Variants in RETREG3 observed in about 807,000 individuals in gnomAD.
RETREG3 encodes the protein reticulophagy regulator family member 3.
RETREG3 carries 23 observed loss-of-function variants against 50.2 expected under a neutral mutation model. The ratio of observed to expected loss-of-function variants is 0.46; its 90% CI spans 0.33 to 0.65. The LOEUF (loss-of-function observed/expected upper bound fraction) is 0.65. Ranked by LOEUF, RETREG3 falls within the 30% of genes least tolerant of loss-of-function variation. The probability of loss-of-function intolerance (pLI) is 0.02; values close to 1 mark genes in which losing one functional copy is unlikely to be tolerated. For missense variants in RETREG3, 546 were observed against 598.0 expected, an observed-to-expected ratio of 0.91 and a Z score of 0.91; for synonymous variants, 240 against 234.4, an observed-to-expected ratio of 1.02 and a Z score of -0.22.
At chr17:42,592,968 C>G (rs964956308) in intron 1 of RETREG3, among the ~76,000 whole-genome samples, 3 of 152,080 alleles carry the variant, frequency 2.0e-5, no homozygotes, top group Admixed American at 2.0e-4. Flanking sequence ...GCCTGGGCAA[C>G]AGAGTGAGAC....
intron 1 of RETREG3, among the ~76,000 whole-genome samples, chr17:42,594,120 T>C (rs1406020596): frequency 6.6e-6 from 1 of 152,088 alleles, no homozygotes; most frequent in Non-Finnish European, 1.5e-5. Context: ...GCCTCGGAGG[T>C]AGAGGTTGCA....
At position 42,580,151 on chromosome 17, in the gene RETREG3, G is replaced by A. The variant is rs1238037840; in HGVS notation, c.*1662C>T. The A allele has an allele frequency of 1.3e-5, 2 of 152,468 alleles. No homozygotes were observed. The highest frequency in any genetic ancestry group is 2.9e-5 in the Non-Finnish European group (2 of 68,046). 9.4% of individuals were successfully genotyped at this position (152,468 alleles called of 1,614,324 possible). ...TGTCTCACATCACATGATTTCACTA[G>A]GGGCTGCAGAACAGATACCCCTCAG... On this transcript the variant is annotated 3_prime_UTR_variant, in exon 9 of 9. Coordinates refer to ENST00000309428, the MANE Select transcript of RETREG3 (RefSeq NM_178126.4).
intron 1 of RETREG3, 47 bp from the exon 2 acceptor site, chr17:42,592,209 T>A: frequency 1.3e-6 from 2 of 1,550,128 alleles, no homozygotes; most frequent in Non-Finnish European, 1.8e-6. Context: ...CTAGTTATCC[T>A]AATTTCAGAA....
intron 1 of RETREG3, among the ~76,000 whole-genome samples, chr17:42,597,541 ATTTCG>A (rs1162587759): frequency 9.5e-5 from 10 of 105,670 alleles, no homozygotes; most frequent in African/African-American, 3.4e-4. Flanking sequence ...ATATATATAT[ATTTCG>A]TATATATATT....
intron 4 of RETREG3, chr17:42,586,508 A>G: frequency 4.7e-6 from 2 of 427,830 alleles, no homozygotes; most frequent in South Asian, 7.2e-5. Context: ...GAATGTACAC[A>G]AGAAAGCTTT....
intron 1 of RETREG3, among the ~76,000 whole-genome samples, chr17:42,593,518 C>T (rs1337857029): frequency 3.3e-5 from 5 of 151,900 alleles, no homozygotes; most frequent in South Asian, 4.2e-4. Context: ...GGCATGGTGG[C>T]GGGCGCCTGT....
At position 42,582,201 on chromosome 17, in the gene RETREG3, A is replaced by C. The variant is rs1343877093; in HGVS notation, c.1013T>G (p.Met338Arg). 3.7e-6 allele frequency: 6 copies of C among 1,613,724 alleles called. No individual in the cohort carries two copies. Among genetic ancestry groups the C allele is most frequent in the Non-Finnish European group, 5.1e-6 (6 of 1,180,026 alleles). Residue 338 changes from methionine (M) to arginine (R), a missense_variant, in exon 9 of 9, where the codon ATG becomes AGG. Transcript: ENST00000309428. ...RDLPDFPSIN[M>R]DPAGLDDEDD... ...CTCATCATCCAGGCCAGCAGGATCC[A>C]TATTAATGGAAGGGAAGTCTGGAAG...
intron 1 of RETREG3, among the ~76,000 whole-genome samples, chr17:42,601,966 C>G (rs1386440316): frequency 6.6e-6 from 1 of 151,950 alleles, no homozygotes; most frequent in Non-Finnish European, 1.5e-5. Flanking sequence ...GTAATAAAAG[C>G]TGAACTATAC....
At chr17:42,589,590 T>C (rs1197803258) in intron 2 of RETREG3, among the ~76,000 whole-genome samples, 1 of 152,112 alleles carries the variant, frequency 6.6e-6, no homozygotes, top group Non-Finnish European at 1.5e-5. Flanking sequence ...CACACCACCA[T>C]GCCTGGGTAA....
chr17:42,590,907 C>T (rs1396620764), intron 2 of RETREG3, among the ~76,000 whole-genome samples: 2 of 152,160 alleles, frequency 1.3e-5, no homozygotes, highest in Non-Finnish European at 2.9e-5. Context: ...GCGGAGGTTG[C>T]AGTGAGCCAA....
intron 7 of RETREG3, 77 bp from the exon 8 acceptor site, chr17:42,582,883 A>G: frequency 6.4e-7 from 1 of 1,557,682 alleles, no homozygotes; most frequent in South Asian, 1.2e-5. Context: ...TTTACTAATC[A>G]GCTAGCATTA....
intron 4 of RETREG3, 86 bp downstream of exon 4, chr17:42,586,679 A>C: frequency 6.6e-7 from 1 of 1,514,478 alleles, no homozygotes; most frequent in East Asian, 2.3e-5. Context: ...TTCTTGAATG[A>C]AGACACATAG....
intron 1 of RETREG3, among the ~76,000 whole-genome samples, chr17:42,599,598 G>A (rs531936014): frequency 6.7e-6 from 1 of 149,362 alleles, no homozygotes; most frequent in East Asian, 2.0e-4. Context: ...AGGTTGCAGT[G>A]AGCTGAGATT....
At chr17:42,608,188 A>G (rs997456143) in intron 1 of RETREG3, among the ~76,000 whole-genome samples, 3 of 152,242 alleles carry the variant, frequency 2.0e-5, no homozygotes, top group Admixed American at 6.5e-5. Flanking sequence ...AAAGCCCCCT[A>G]TAAGTCAGTT....
At chr17:42,608,381 C>G (rs1270815921) in intron 1 of RETREG3, among the ~76,000 whole-genome samples, 3 of 152,196 alleles carry the variant, frequency 2.0e-5, no homozygotes, top group Admixed American at 6.5e-5. Context: ...AACTCACACA[C>G]AGTATTAGAC....
chr17:42,596,518 T>A (rs568553902), intron 1 of RETREG3: 1 of 152,078 alleles, frequency 6.6e-6, no homozygotes, highest in Non-Finnish European at 1.5e-5. Context: ...TCCCTTTTTT[T>A]CCTCCATTCC....
At chr17:42,593,043 A>G (rs2093136230) in intron 1 of RETREG3, among the ~76,000 whole-genome samples, 2 of 152,026 alleles carry the variant, frequency 1.3e-5, no homozygotes, top group South Asian at 4.2e-4. Context: ...TGCTTCTCAA[A>G]CTCTTCCAAA....
At chr17:42,607,069 A>C (rs938167060) in intron 1 of RETREG3, among the ~76,000 whole-genome samples, 17 of 152,190 alleles carry the variant, frequency 1.1e-4, no homozygotes, top group Non-Finnish European at 7.3e-5. Flanking sequence ...AAATTGGTTT[A>C]ATGAGGCCCA....
Position 42,581,565 on chromosome 17 carries a change from T to C in RETREG3, c.*248A>G. ...ATTTTGTTCCCCCAAAGTACCATCC[T>C]GATGGAGAGAAGCCTCCCTTGGGGG... On this transcript the variant is annotated 3_prime_UTR_variant, in exon 9 of 9. Transcript: ENST00000309428. 1 of 475,560 alleles carries C rather than the reference T, an allele frequency of 2.1e-6. No homozygotes were observed. Among genetic ancestry groups the C allele is most frequent in the Non-Finnish European group, 3.7e-6 (1 of 268,750 alleles). The allele number at this position is 475,560 out of a possible 1,614,324, so 29.5% of individuals were successfully genotyped here. A position where few individuals can be genotyped will look rare whatever the true frequency, so the allele number is the denominator to read the frequency against.
Sources: allele counts gnomAD v4.1 joint callset (sites outside exome capture counted in the v4.1 genomes callset), GRCh38; gene constraint gnomAD v4.1.1; transcripts MANE v1.5; gene names NCBI Gene and HGNC (gene_info 2026-07-23, HGNC 2026-07-21).